Variants in WDR70 observed in about 807,000 individuals in gnomAD.
WDR70 encodes WD repeat domain 70, also known as WD repeat-containing protein 70.
In WDR70, 53 loss-of-function variants were observed where a neutral mutation model predicts 88.6. That is an observed-to-expected ratio of 0.60 (90% confidence interval 0.48 to 0.75). WDR70 has a LOEUF of 0.75. Ranked by LOEUF, WDR70 falls within the 30% of genes least tolerant of loss-of-function variation. The probability of loss-of-function intolerance (pLI) is 0.00; values close to 1 mark genes in which losing one functional copy is unlikely to be tolerated. For missense variants in WDR70, 610 were observed against 823.2 expected (o/e 0.74, Z 3.17); for synonymous variants, 280 against 270.0 (o/e 1.04, Z -0.36).
chr5:37,534,499 C>CTTTTTTTTT (rs369030841), intron 9 of WDR70, among the ~76,000 whole-genome samples: 3 of 133,194 alleles, frequency 2.3e-5, no homozygotes, highest in Non-Finnish European at 3.1e-5. Context: ...ACAAATCAGG[C>CTTTTTTTTT]TTTTTTTTTT....
intron 9 of WDR70, among the ~76,000 whole-genome samples, chr5:37,557,658 A>G (rs1437645492): frequency 1.3e-5 from 2 of 152,014 alleles, no homozygotes; most frequent in African/African-American, 4.8e-5. Context: ...AAGAGGAGTT[A>G]AACATTGTAG....
intron 9 of WDR70, among the ~76,000 whole-genome samples, chr5:37,544,546 T>A (rs996418271): frequency 1.3e-5 from 2 of 152,192 alleles, no homozygotes. Flanking sequence ...AAGTTTTTGA[T>A]AAATTATGGC....
intron 4 of WDR70, among the ~76,000 whole-genome samples, chr5:37,394,362 T>G (rs1291680035): frequency 2.0e-5 from 3 of 152,088 alleles, no homozygotes; most frequent in African/African-American, 7.2e-5. Context: ...GGGGAAAATT[T>G]TGGAGTATGA....
chr5:37,668,681 A>C (rs960641999), intron 10 of WDR70, among the ~76,000 whole-genome samples: 1 of 152,170 alleles, frequency 6.6e-6, no homozygotes, highest in Non-Finnish European at 1.5e-5. Flanking sequence ...CCTGTGACTC[A>C]CACATCTAAG....
Position 37,398,565 on chromosome 5 carries a change from G to A in WDR70, c.492+1995G>A, listed in dbSNP as rs148282388. ...TCTCAGTACATAGTACAGCAAATTT[G>A]TCAATTTGCGTCTGTCTGTAGTTGA... On this transcript the variant is annotated intron_variant, in intron 5 of 17. Coordinates refer to ENST00000265107, the MANE Select transcript of WDR70 (RefSeq NM_018034.4). 1.6e-3 allele frequency among the ~76,000 whole-genome samples: 251 copies of A among 152,254 alleles called. 1 individual carries two copies. Among genetic ancestry groups the A allele is most frequent in the African/African-American group, 5.8e-3 (239 of 41,542 alleles).
intron 8 of WDR70, among the ~76,000 whole-genome samples, chr5:37,492,453 CTATAAG>C (rs1245054697): frequency 6.6e-6 from 1 of 152,174 alleles, no homozygotes; most frequent in Non-Finnish European, 1.5e-5. Flanking sequence ...TAGTTTTGAA[CTATAAG>C]TATAATGGGC....
intron 9 of WDR70, among the ~76,000 whole-genome samples, chr5:37,603,583 A>T (rs1025426040): frequency 6.6e-6 from 1 of 152,246 alleles, no homozygotes; most frequent in Non-Finnish European, 1.5e-5. Context: ...AGGCACAGGC[A>T]ATAAAAGCAA....
chr5:37,690,607 C>T (rs1746762922), intron 10 of WDR70, among the ~76,000 whole-genome samples: 1 of 152,200 alleles, frequency 6.6e-6, no homozygotes, highest in South Asian at 2.1e-4. Context: ...TCCAGCCAAA[C>T]TAAGCTTCAT....
intron 6 of WDR70, 130 bp from the exon 7 acceptor site, chr5:37,443,109 A>G: frequency 2.1e-6 from 2 of 935,342 alleles, no homozygotes; most frequent in East Asian, 2.7e-5. Flanking sequence ...TTCAGAAGTA[A>G]CAATAGTTGG....
chr5:37,399,213 G>A (rs1749122787), intron 5 of WDR70, among the ~76,000 whole-genome samples: 1 of 152,204 alleles, frequency 6.6e-6, no homozygotes, highest in African/African-American at 2.4e-5. Flanking sequence ...GGGAGGCAGA[G>A]CTTGCAGTGA....
At chr5:37,437,148 G>T in intron 5 of WDR70, among the ~76,000 whole-genome samples, 1 of 152,128 alleles carries the variant, frequency 6.6e-6, no homozygotes, top group Non-Finnish European at 1.5e-5. Context: ...GTGTGGGAGG[G>T]ATGAGAAGAG....
chr5:37,611,262 A>T lies in WDR70; in HGVS notation c.1092+6024A>T, dbSNP rs554981845. On this transcript the variant is annotated intron_variant, in intron 10 of 17. Coordinates refer to ENST00000265107, the MANE Select transcript of WDR70 (RefSeq NM_018034.4). ...AGACAAATTCTCATACTATTTGTTA[A>T]CTACTTTCTGTAGTGATTTTTTTTT... 4.6e-5 allele frequency among the ~76,000 whole-genome samples: 7 copies of T among 152,118 alleles called. No homozygotes were observed. The South Asian group carries it at 1.5e-3, about 32-fold the overall frequency.
At chr5:37,616,328 G>A (rs1207408177) in intron 10 of WDR70, among the ~76,000 whole-genome samples, 1 of 151,946 alleles carries the variant, frequency 6.6e-6, no homozygotes, top group Non-Finnish European at 1.5e-5. Context: ...GGCTGGTCTC[G>A]AACTCCTGAC....
chr5:37,679,874 T>C (rs962430448), intron 10 of WDR70, among the ~76,000 whole-genome samples: 2 of 152,250 alleles, frequency 1.3e-5, no homozygotes, highest in African/African-American at 4.8e-5. Flanking sequence ...CCTTGAGCTG[T>C]GGTGGGCTCC....
In WDR70 at chr5:37,649,548, G is replaced by C. The variant is rs146303683; in HGVS notation, c.1092+44310G>C. Among the ~76,000 whole-genome samples the C allele has an allele frequency of 1.9e-3, 282 of 150,716 alleles. 1 individual carries two copies. The highest frequency in any genetic ancestry group is 6.6e-3 in the African/African-American group (268 of 40,908). The stretch of plus-strand genomic sequence containing the variant: ...GAGGGGGAAGCATCATGGGAAGTGG[G>C]ACTTGTGATCTGGGCAGGTCAGTTA... On this transcript the variant is annotated intron_variant, in intron 10 of 17. Transcript: ENST00000265107.
At chr5:37,497,414 CCCCTT>C (rs1740258625) in intron 8 of WDR70, among the ~76,000 whole-genome samples, 1 of 37,266 alleles carries the variant, frequency 2.7e-5, no homozygotes, top group African/African-American at 6.3e-5. Flanking sequence ...CCCCTCCCCT[CCCCTT>C]CCCTTCCCTC....
chr5:37,417,522 GCCACCACCC>G (rs1749797591), intron 5 of WDR70, among the ~76,000 whole-genome samples: 1 of 143,256 alleles, frequency 7.0e-6, no homozygotes, highest in South Asian at 2.4e-4. Context: ...ACTGCACCCG[GCCACCACCC>G]CCACCGACGT....
At chr5:37,497,153 C>T (rs1740240873) in intron 8 of WDR70, among the ~76,000 whole-genome samples, 1 of 151,514 alleles carries the variant, frequency 6.6e-6, no homozygotes. Context: ...CACTCCCCTT[C>T]CTTCACTCCC....
intron 8 of WDR70, among the ~76,000 whole-genome samples, chr5:37,483,036 TG>T (rs964509967): frequency 6.6e-6 from 1 of 150,616 alleles, no homozygotes; most frequent in African/African-American, 2.4e-5. Context: ...AACTCCAGCT[TG>T]GGCAACATTG....
Sources: allele counts gnomAD v4.1 joint callset (sites outside exome capture counted in the v4.1 genomes callset), GRCh38; gene constraint gnomAD v4.1.1; transcripts MANE v1.5; gene names NCBI Gene and HGNC (gene_info 2026-07-23, HGNC 2026-07-21).